The following ECH1 variants were observed in gnomAD, a reference collection of about 807,000 sequenced individuals.
ECH1 encodes the protein delta(3,5)-Delta(2,4)-dienoyl-CoA isomerase, mitochondrial.
ECH1 carries 30 observed loss-of-function variants against 37.0 expected under a neutral mutation model. The ratio of observed to expected loss-of-function variants is 0.81; its 90% CI spans 0.61 to 1.10. ECH1 has a LOEUF of 1.10. Among genes scored for constraint, ECH1 ranks in the 50% least tolerant of loss-of-function variants. The pLI is 0.00. For synonymous variants in ECH1, 178 were observed against 176.0 expected (o/e 1.01, Z -0.09); for missense variants, 456 against 441.6 (o/e 1.03, Z -0.29).
chr19:38,815,672 A>C lies in ECH1; in HGVS notation c.928T>G (p.Ser310Ala). ...TTGTTCTCAGTCGTGGCCTGGACCG[A>C]CTTCACGAGGTCTTGGGTCTGCAGC... is the stretch of plus-strand genomic sequence containing the variant. The part of the protein sequence containing the change: ...SMLQTQDLVK[S>A]VQATTENKEL... The change falls in exon 10 of 10, where the codon TCG becomes GCG. Residue 310 changes from serine (S) to alanine (A), a missense_variant. Transcript: ENST00000221418. 6.2e-7 allele frequency: 1 copy of C among 1,614,166 alleles called. No homozygotes were observed. Among genetic ancestry groups the C allele is most frequent in the Non-Finnish European group, 8.5e-7 (1 of 1,180,046 alleles).
At position 38,815,605 on chromosome 19, in the gene ECH1, G is replaced by A. The variant is rs1346819018; in HGVS notation, c.*8C>T. The A allele has an allele frequency of 3.1e-6, 5 of 1,613,884 alleles. No homozygotes were observed. The highest frequency in any genetic ancestry group is 2.2e-5 in the East Asian group (1 of 44,892). ...GCCCCCTGGCTGGGGCCTGGGACGC[G>A]AGGGCTCTCAGAGCTTGGAGAAGGT... is the stretch of plus-strand genomic sequence containing the variant. On this transcript the variant is annotated 3_prime_UTR_variant, in exon 10 of 10. Transcript: ENST00000221418.
intron 3 of ECH1, 145 bp from the exon 4 acceptor site, chr19:38,817,720 G>T (rs1299174416): frequency 7.0e-7 from 1 of 1,420,806 alleles, no homozygotes; most frequent in Admixed American, 3.0e-5. Context: ...CTTGGTGAGG[G>T]ATTGATTGCA....
intron 2 of ECH1, 60 bp downstream of exon 2, chr19:38,831,249 A>ACCCAGTCC: frequency 6.2e-7 from 1 of 1,609,382 alleles, no homozygotes; most frequent in Non-Finnish European, 8.5e-7. Flanking sequence ...TTCCACTTTC[A>ACCCAGTCC]CCCAGTCCCG....
At chr19:38,815,824 G>A in intron 9 of ECH1, 33 bp downstream of exon 9, 2 of 1,613,734 alleles carry the variant, frequency 1.2e-6, no homozygotes, top group African/African-American at 1.3e-5. Flanking sequence ...GGGGTTAGAG[G>A]AGGGCTGTGA....
At chr19:38,831,210 CCTG>C (rs763834062) in intron 2 of ECH1, 44 bp from the exon 3 acceptor site, 76 of 1,611,794 alleles carry the variant, frequency 4.7e-5, no homozygotes, top group Non-Finnish European at 6.0e-5. Flanking sequence ...GCGGGAATAC[CCTG>C]CCCTCATGTC....
chr19:38,831,162 T>C lies in ECH1; in HGVS notation c.265A>G (p.Met89Val). 6.2e-7 allele frequency: 1 copy of C among 1,614,046 alleles called. No homozygotes were observed. The highest frequency in any genetic ancestry group is 1.1e-5 in the South Asian group (1 of 91,086). ...GAAATCTTGTTGAAGCACTCTACCA[T>C]CTCTCTGTGAAGCAACGAGTGAAGG... ...NAMNKVFWREMVECFNKISRD... is the reference protein window; with the variant it reads ...NAMNKVFWREVVECFNKISRD... The change falls in exon 3 of 10, where the codon ATG (methionine) becomes GTG (valine). Residue 89 changes from methionine (M) to valine (V), a missense_variant. Physicochemically the swap from Met to Val is conservative, Grantham distance 21. Transcript: ENST00000221418.
At chr19:38,818,317 T>C in intron 3 of ECH1, 2 of 985,244 alleles carry the variant, frequency 2.0e-6, no homozygotes, top group African/African-American at 1.7e-5. Flanking sequence ...GATGCAGCAA[T>C]TTCTGTGGCT....
chr19:38,816,663 T>C lies in ECH1; in HGVS notation c.589-140A>G, dbSNP rs927212438. 12 of 1,063,724 alleles carry C rather than the reference T, an allele frequency of 1.1e-5. No individual in the cohort carries two copies. The African/African-American group carries it at 1.4e-4, about 13-fold the overall frequency. 65.9% of individuals were successfully genotyped at this position (1,063,724 alleles called of 1,614,324 possible). ...TGACTTCCTCCAAAGTCCCATTCCATTGCCCAGGCAGCTTCTTGACTCAGG... is the reference window on the plus strand; with the variant it reads ...TGACTTCCTCCAAAGTCCCATTCCACTGCCCAGGCAGCTTCTTGACTCAGG... On this transcript the variant is annotated intron_variant, in intron 6 of 9. Coordinates refer to ENST00000221418, the MANE Select transcript of ECH1 (RefSeq NM_001398.3).
chr19:38,830,459 T>C (rs1477291573), intron 3 of ECH1, among the ~76,000 whole-genome samples: 1 of 152,146 alleles, frequency 6.6e-6, no homozygotes, highest in Non-Finnish European at 1.5e-5. Flanking sequence ...CTAATACTTA[T>C]ATTTGAATGT....
chr19:38,820,541 A>G (rs1341524340), intron 3 of ECH1: 1 of 152,204 alleles, frequency 6.6e-6, no homozygotes, highest in African/African-American at 2.4e-5. Context: ...TGGGGCTTAT[A>G]GCAGAACCTG....
chr19:38,816,973 G>A (rs1241702214), intron 6 of ECH1, 92 bp downstream of exon 6: 14 of 1,407,608 alleles, frequency 9.9e-6, no homozygotes, highest in Non-Finnish European at 1.3e-5. Flanking sequence ...GTTCAACTCC[G>A]ACTCTTCCAT....
chr19:38,821,119 A>AG (rs2031462707), intron 3 of ECH1, among the ~76,000 whole-genome samples: 1 of 152,020 alleles, frequency 6.6e-6, no homozygotes, highest in Non-Finnish European at 1.5e-5. Context: ...CTCTACAAAA[A>AG]GTGAAAAAAC....
At chr19:38,823,389 C>T (rs895450704) in intron 3 of ECH1, among the ~76,000 whole-genome samples, 10 of 152,196 alleles carry the variant, frequency 6.6e-5, no homozygotes, top group African/African-American at 1.2e-4. Flanking sequence ...TATCACCTAT[C>T]GCCAAGCAGT....
Position 38,815,737 on chromosome 19 carries a change from G to T in ECH1, c.883-20C>A, listed in dbSNP as rs377138593. ...GGACGCCTGGTACCGAGGGTGTTGAGAGAGAACGAGGAGAGAGATTAGCAG... is the reference window on the plus strand; with the variant it reads ...GGACGCCTGGTACCGAGGGTGTTGATAGAGAACGAGGAGAGAGATTAGCAG... On this transcript the variant is annotated intron_variant, in intron 9 of 9. Coordinates refer to ENST00000221418, the MANE Select transcript of ECH1 (RefSeq NM_001398.3). The T allele has an allele frequency of 5.1e-5, 82 of 1,614,170 alleles. No homozygotes were observed. In the African/African-American group the frequency reaches 9.2e-4, roughly 18 times the overall value.
intron 3 of ECH1, chr19:38,820,132 C>A (rs1387881158): frequency 3.6e-6 from 1 of 278,480 alleles, no homozygotes; most frequent in Admixed American, 8.8e-5. Context: ...GCGATCTCGG[C>A]TCACTGCAAG....
At chr19:38,816,551 G>A (rs1336607797) in intron 6 of ECH1, 28 bp from the exon 7 acceptor site, 7 of 1,613,168 alleles carry the variant, frequency 4.3e-6, no homozygotes, top group Non-Finnish European at 5.9e-6. Flanking sequence ...TCAGTGTTTG[G>A]TTTCTGCCCA....
rs576057223 is a variant in ECH1 at position 38,815,540 on chromosome 19, G to A, written c.*73C>T. Reference sequence around the variant, plus strand: ...AGAAGGCATAGAAACAACTGTCATCGCCCATCCTCCCTTTCTGTGGATGAG... The same window carrying A: ...AGAAGGCATAGAAACAACTGTCATCACCCATCCTCCCTTTCTGTGGATGAG... On this transcript the variant is annotated 3_prime_UTR_variant, in exon 10 of 10. Coordinates refer to ENST00000221418, the MANE Select transcript of ECH1 (RefSeq NM_001398.3). The A allele has an allele frequency of 5.5e-5, 78 of 1,429,320 alleles. 1 individual carries two copies. The South Asian group carries it at 7.8e-4, about 14-fold the overall frequency. The allele number at this position is 1,429,320 out of a possible 1,614,324, so 88.5% of individuals were successfully genotyped here.
intron 6 of ECH1, 124 bp from the exon 7 acceptor site, chr19:38,816,647 C>G: frequency 8.4e-7 from 1 of 1,184,036 alleles, no homozygotes; most frequent in Non-Finnish European, 1.2e-6. Flanking sequence ...GTGACTTCCT[C>G]CAAAGTCCCA....
At chr19:38,824,291 T>C (rs994836997) in intron 3 of ECH1, among the ~76,000 whole-genome samples, 15 of 152,190 alleles carry the variant, frequency 9.9e-5, no homozygotes, top group African/African-American at 3.6e-4. Context: ...TCCTTGGTCC[T>C]CCATGTGGTC....
Sources: allele counts gnomAD v4.1 joint callset (sites outside exome capture counted in the v4.1 genomes callset), GRCh38; gene constraint gnomAD v4.1.1; transcripts MANE v1.5; gene names NCBI Gene and HGNC (gene_info 2026-07-23, HGNC 2026-07-21).